Variants in LRMDA observed in about 807,000 individuals in gnomAD.
LRMDA encodes leucine-rich melanocyte differentiation-associated protein.
Under a neutral mutation model 29.8 loss-of-function variants are expected in LRMDA, and 18 were observed. That is an observed-to-expected ratio of 0.60 (90% CI 0.42 to 0.90). The LOEUF (loss-of-function observed/expected upper bound fraction) is 0.90. LRMDA is among the 40% of genes least tolerant of loss of function. The probability of loss-of-function intolerance (pLI) is 0.00; values close to 1 mark genes in which losing one functional copy is unlikely to be tolerated. For missense variants in LRMDA, 273 were observed against 273.9 expected, an observed-to-expected ratio of 1.00 and a Z score of 0.02; for synonymous variants, 125 against 109.4, an observed-to-expected ratio of 1.14 and a Z score of -0.89.
chr10:76,489,503 A>T (rs1197556380), intron 6 of LRMDA, among the ~76,000 whole-genome samples: 6 of 151,562 alleles, frequency 4.0e-5, no homozygotes, highest in Admixed American at 3.3e-4. Context: ...TTTGCATTTC[A>T]ATTTTATTTA....
intron 6 of LRMDA, among the ~76,000 whole-genome samples, chr10:76,348,303 G>A (rs1244474521): frequency 5.3e-5 from 8 of 152,120 alleles, no homozygotes; most frequent in Non-Finnish European, 7.4e-5. Flanking sequence ...TATCCATCAC[G>A]GGCAATGTGG....
chr10:76,124,234 T>C (rs1454269588), intron 5 of LRMDA, among the ~76,000 whole-genome samples: 2 of 152,264 alleles, frequency 1.3e-5, no homozygotes, highest in Non-Finnish European at 2.9e-5. Flanking sequence ...TTTTGCTTTC[T>C]TCCCTTGGTA....
At chr10:75,759,879 G>A (rs1843074443) in intron 2 of LRMDA, among the ~76,000 whole-genome samples, 1 of 152,176 alleles carries the variant, frequency 6.6e-6, no homozygotes, top group Non-Finnish European at 1.5e-5. Flanking sequence ...GGAGCCTTCA[G>A]AGCTAGAGTT....
At chr10:75,750,145 C>T (rs894936400) in intron 2 of LRMDA, among the ~76,000 whole-genome samples, 1 of 152,228 alleles carries the variant, frequency 6.6e-6, no homozygotes, top group East Asian at 1.9e-4. Context: ...CTGTTGGGTA[C>T]ACCTCCCAGA....
intron 5 of LRMDA, among the ~76,000 whole-genome samples, chr10:76,175,620 C>T (rs1668085816): frequency 6.6e-6 from 1 of 152,170 alleles, no homozygotes; most frequent in Admixed American, 6.5e-5. Flanking sequence ...TCACTGAGTG[C>T]TCGAGTTTGC....
chr10:75,487,686 T>C (rs1314680012), intron 2 of LRMDA, among the ~76,000 whole-genome samples: 1 of 152,224 alleles, frequency 6.6e-6, no homozygotes, highest in African/African-American at 2.4e-5. Context: ...GGTAGGTTTA[T>C]GGAGCTGTGA....
chr10:75,698,799 T>C (rs917402048), intron 2 of LRMDA, among the ~76,000 whole-genome samples: 6 of 152,204 alleles, frequency 3.9e-5, no homozygotes, highest in African/African-American at 1.4e-4. Flanking sequence ...AGTTGGGGAT[T>C]GAATAGAAAA....
At chr10:75,613,676 A>T (rs1350337606) in intron 2 of LRMDA, among the ~76,000 whole-genome samples, 3 of 152,178 alleles carry the variant, frequency 2.0e-5, no homozygotes, top group Non-Finnish European at 2.9e-5. Context: ...GGGTCACCAA[A>T]CAATTTCTCC....
At chr10:76,142,128 C>T (rs141947543) in intron 5 of LRMDA, among the ~76,000 whole-genome samples, 1 of 152,106 alleles carries the variant, frequency 6.6e-6, no homozygotes, top group East Asian at 1.9e-4. Flanking sequence ...TACTGGAAGA[C>T]ATCTTTTTCT....
chr10:75,582,483 T>C (rs1840606614), intron 2 of LRMDA, among the ~76,000 whole-genome samples: 1 of 151,756 alleles, frequency 6.6e-6, no homozygotes, highest in Admixed American at 6.6e-5. Flanking sequence ...GGAGCTGGAG[T>C]GGCTGGGATA....
At chr10:76,344,839 A>T (rs1841082835) in intron 6 of LRMDA, among the ~76,000 whole-genome samples, 1 of 151,850 alleles carries the variant, frequency 6.6e-6, no homozygotes, top group African/African-American at 2.4e-5. Context: ...TTTGGAAAAA[A>T]ATTTAGATAC....
intron 2 of LRMDA, among the ~76,000 whole-genome samples, chr10:75,624,258 ATTC>A (rs1841222929): frequency 6.6e-6 from 1 of 152,160 alleles, no homozygotes; most frequent in African/African-American, 2.4e-5. Flanking sequence ...AGTGGAAAAA[ATTC>A]TTGGAGATCA....
chr10:76,310,665 A>G (rs761528466), intron 5 of LRMDA, among the ~76,000 whole-genome samples: 1 of 152,186 alleles, frequency 6.6e-6, no homozygotes, highest in Non-Finnish European at 1.5e-5. Flanking sequence ...TCCAATAGAA[A>G]AATAATTTGA....
chr10:76,263,089 T>A (rs762143081), intron 5 of LRMDA, among the ~76,000 whole-genome samples: 125 of 152,184 alleles, frequency 8.2e-4, no homozygotes, highest in Non-Finnish European at 1.1e-3. Flanking sequence ...TGAAAAAAAA[T>A]TCAAATGCTA....
intron 2 of LRMDA, among the ~76,000 whole-genome samples, chr10:75,467,655 A>G (rs1844669564): frequency 6.6e-6 from 1 of 152,094 alleles, no homozygotes; most frequent in African/African-American, 2.4e-5. Flanking sequence ...ACAGGACAGT[A>G]TACCAGACAT....
At chr10:75,461,673 G>A (rs1451111056) in intron 2 of LRMDA, among the ~76,000 whole-genome samples, 13 of 152,200 alleles carry the variant, frequency 8.5e-5, no homozygotes, top group African/African-American at 1.9e-4. Context: ...AAGCCTGTCC[G>A]TGTTTCCTCT....
At chr10:75,445,111 T>C (rs1373229861) in intron 2 of LRMDA, among the ~76,000 whole-genome samples, 1 of 152,086 alleles carries the variant, frequency 6.6e-6, no homozygotes, top group African/African-American at 2.4e-5. Context: ...TTGTTGTTGT[T>C]GTTGTTAAAT....
rs1236528029 is a variant in LRMDA at position 75,732,526 on chromosome 10, ACTT to A, written c.131+294036_131+294038del. Among the ~76,000 whole-genome samples the A allele has an allele frequency of 1.1e-4, 16 of 152,200 alleles. No homozygotes were observed. In the South Asian group the frequency reaches 3.3e-3, roughly 32 times the overall value. Reference sequence around the variant, plus strand: ...AGTCAATTGCAATTTAGAATTCTCCACTTCTTTGGGGAGCTGGAATGTGGCAGC... The same window carrying A: ...AGTCAATTGCAATTTAGAATTCTCCACTTTGGGGAGCTGGAATGTGGCAGC... On this transcript the variant is annotated intron_variant, in intron 2 of 6. Coordinates refer to ENST00000611255, the MANE Select transcript of LRMDA (RefSeq NM_001305581.2).
intron 6 of LRMDA, among the ~76,000 whole-genome samples, chr10:76,489,453 A>C (rs1842812163): frequency 6.6e-6 from 1 of 151,694 alleles, no homozygotes; most frequent in South Asian, 2.1e-4. Flanking sequence ...TTACCTTTTC[A>C]AAAAAACAAG....
Sources: gnomAD v4.1 joint callset for allele counts (sites outside exome capture counted in the v4.1 genomes callset) on GRCh38, gnomAD v4.1.1 for gene constraint, MANE v1.5 for transcripts, NCBI Gene and HGNC (gene_info 2026-07-23, HGNC 2026-07-21) for gene names.